Variants in DMD observed in about 807,000 individuals in gnomAD.
DMD encodes the protein mutant dystrophin.
A neutral mutation model predicts 330.1 loss-of-function variants in DMD; 63 were observed. That is an observed-to-expected ratio of 0.19 (90% CI 0.16 to 0.24). DMD has a LOEUF of 0.24. DMD is among the 10% of genes least tolerant of loss of function. The pLI, the probability that DMD is intolerant of heterozygous loss-of-function variation, is 1.00. For synonymous variants in DMD, 1,223 were observed against 959.8 expected (o/e 1.27, Z -5.07); for missense variants, 3,344 against 2,684.1 (o/e 1.25, Z -5.43).
chrX:31,431,203 G>A (rs898835991), intron 60 of DMD, among the ~76,000 whole-genome samples: 11 of 110,906 alleles, frequency 9.9e-5, no homozygotes, highest in South Asian at 7.8e-4. Context: ...TAGTTCAGTC[G>A]ATATTTATGG....
At chrX:31,406,227 TG>T (rs751628780) in intron 60 of DMD, among the ~76,000 whole-genome samples, 16 of 111,677 alleles carry the variant, frequency 1.4e-4, no homozygotes, top group Non-Finnish European at 7.5e-5. Flanking sequence ...TTTTAAGATA[TG>T]TATAGTATAC....
chrX:32,596,575 C>G (rs1231762311), intron 12 of DMD, among the ~76,000 whole-genome samples: 2 of 109,588 alleles, frequency 1.8e-5, no homozygotes, highest in Non-Finnish European at 3.8e-5. Flanking sequence ...GACGGATTCT[C>G]ACTGTGTCAC....
intron 59 of DMD, among the ~76,000 whole-genome samples, chrX:31,471,358 G>A (rs762607441): frequency 3.4e-4 from 38 of 111,891 alleles, no homozygotes; most frequent in Non-Finnish European, 5.5e-4. Context: ...GGAATGCTCC[G>A]TTCCTCAGGG....
At position 31,769,602 on chromosome X, in the gene DMD, C is replaced by CA. The variant is rs757982694; in HGVS notation, c.7542+4357dup. On this transcript the variant is annotated intron_variant, in intron 51 of 78. Coordinates refer to ENST00000357033, the MANE Select transcript of DMD (RefSeq NM_004006.3). ...ACTAACACTAATGATAGCTGATGAG[C>CA]AAAAAAAAGTCACAAAAAGTATCTC... 2.8e-4 allele frequency among the ~76,000 whole-genome samples: 31 copies of CA among 110,465 alleles called. No individual in the cohort carries two copies. In the East Asian group the frequency reaches 7.1e-3, roughly 25 times the overall value.
At chrX:32,204,738 G>C (rs2097056307) in intron 44 of DMD, among the ~76,000 whole-genome samples, 1 of 110,042 alleles carries the variant, frequency 9.1e-6, no homozygotes, top group Non-Finnish European at 1.9e-5. Context: ...CTTCTGGTGA[G>C]AGCCTCAGGA....
chrX:33,191,830 A>G (rs748323877), intron 1 of DMD, among the ~76,000 whole-genome samples: 1 of 111,748 alleles, frequency 8.9e-6, no homozygotes, highest in African/African-American at 3.3e-5. Flanking sequence ...TTCTCTTTCC[A>G]CCATTCATAC....
chrX:32,419,661 G>A (rs888928769), intron 29 of DMD, among the ~76,000 whole-genome samples: 3 of 112,178 alleles, frequency 2.7e-5, no homozygotes, highest in Non-Finnish European at 5.6e-5. Flanking sequence ...CTCAAAAGCC[G>A]TGAGCATGGA....
At chrX:32,182,636 T>C (rs5927942) in intron 44 of DMD, among the ~76,000 whole-genome samples, 37,425 of 110,620 alleles carry the variant, frequency 0.34, 4,726 homozygotes, top group East Asian at 0.54. Flanking sequence ...ATAAGATTTT[T>C]TTATACACTC....
chrX:32,317,905 A>G (rs1353133813), intron 41 of DMD, among the ~76,000 whole-genome samples: 1 of 110,038 alleles, frequency 9.1e-6, no homozygotes, highest in Non-Finnish European at 1.9e-5. Flanking sequence ...AGTAAGATTT[A>G]TTAATGATTT....
chrX:32,730,216 T>C lies in DMD; in HGVS notation c.650-30923A>G, dbSNP rs375093370. On this transcript the variant is annotated intron_variant, in intron 7 of 78. Transcript: ENST00000357033. ...TTAAATGTACCTCTGCATTGTGTTG[T>C]ACACCTGCAATTCTAGTTACTCAGG... Among the ~76,000 whole-genome samples the C allele has an allele frequency of 5.3e-5, 6 of 112,262 alleles. No individual in the cohort carries two copies. In the South Asian group the frequency reaches 1.5e-3, roughly 28 times the overall value.
rs913555424 is a variant in DMD, at chrX:32,032,597, C to T, written c.6439-64083G>A. On this transcript the variant is annotated intron_variant, in intron 44 of 78. Transcript: ENST00000357033. Reference sequence around the variant, plus strand: ...GCCTCTGGGTTAGCCCAATTTAGGCCATCTACACATAAAAGCTCGATGTGG... The same window carrying T: ...GCCTCTGGGTTAGCCCAATTTAGGCTATCTACACATAAAAGCTCGATGTGG... Among the ~76,000 whole-genome samples, 7 of 109,510 alleles carry T rather than the reference C, an allele frequency of 6.4e-5. No homozygotes were observed. The South Asian group carries it at 2.7e-3, about 42-fold the overall frequency.
At chrX:31,478,026 A>C in intron 59 of DMD, 80 bp downstream of exon 59, 3 of 1,078,580 alleles carry the variant, frequency 2.8e-6, no homozygotes, top group Non-Finnish European at 3.8e-6. Flanking sequence ...CTTTGTGGGA[A>C]GATAACACTG....
At chrX:32,016,101 G>A (rs894240151) in intron 44 of DMD, among the ~76,000 whole-genome samples, 1 of 111,896 alleles carries the variant, frequency 8.9e-6, no homozygotes, top group Non-Finnish European at 1.9e-5. Context: ...AATTCCTTCA[G>A]TTTAGAGGTC....
intron 37 of DMD, among the ~76,000 whole-genome samples, chrX:32,353,386 CT>C (rs2097788357): frequency 8.9e-6 from 1 of 111,758 alleles, no homozygotes; most frequent in Non-Finnish European, 1.9e-5. Context: ...ACAGCTCATT[CT>C]TGAGTCACCA....
chrX:31,271,262 G>A (rs1446022848), intron 62 of DMD, among the ~76,000 whole-genome samples: 1 of 111,465 alleles, frequency 9.0e-6, no homozygotes, highest in Non-Finnish European at 1.9e-5. Context: ...ATGTAAAAGT[G>A]CAGGTATCCA....
At position 32,362,851 on chromosome X, in the gene DMD, C is replaced by T. The variant is rs2147233325; in HGVS notation, c.5262G>A (p.Glu1754=). ...GATGGTTGAGCTCTGAGATTTGGGG[C>T]TCTACTAATTTCCTGCAGTGGTCAC... The part of the protein sequence containing the change: ...NRGDHCRKLV[E]PQISELNHRF... The change falls in exon 37 of 79, where the codon GAG becomes GAA. Residue 1754 remains glutamate, a synonymous_variant. Coordinates refer to ENST00000357033, the MANE Select transcript of DMD (RefSeq NM_004006.3). The T allele has an allele frequency of 3.3e-6, 4 of 1,211,298 alleles. No individual in the cohort carries two copies. Among genetic ancestry groups the T allele is most frequent in the Non-Finnish European group, 4.5e-6 (4 of 895,378 alleles).
At chrX:31,380,146 G>A (rs2060094556) in intron 60 of DMD, among the ~76,000 whole-genome samples, 1 of 110,621 alleles carries the variant, frequency 9.0e-6, no homozygotes. Flanking sequence ...AACTGTTGTA[G>A]GTATTGACGG....
At chrX:33,251,228 G>A (rs1392524777) in intron 1 of DMD, among the ~76,000 whole-genome samples, 1 of 111,858 alleles carries the variant, frequency 8.9e-6, no homozygotes, top group Non-Finnish European at 1.9e-5. Flanking sequence ...ACTGACCTAA[G>A]TTAGTGCGTA....
chrX:32,579,998 T>C (rs1481252434), intron 13 of DMD, among the ~76,000 whole-genome samples: 1 of 99,148 alleles, frequency 1.0e-5, no homozygotes, highest in Non-Finnish European at 2.0e-5. Flanking sequence ...CTTTGCAGGA[T>C]ATTATTTAAT....
Sources: gnomAD v4.1 joint callset for allele counts (sites outside exome capture counted in the v4.1 genomes callset) on GRCh38, gnomAD v4.1.1 for gene constraint, MANE v1.5 for transcripts, NCBI Gene and HGNC (gene_info 2026-07-23, HGNC 2026-07-21) for gene names.